The following TLK1 variants were observed in gnomAD, a reference collection of about 807,000 sequenced individuals.
The protein encoded by TLK1 is serine/threonine-protein kinase tousled-like 1.
Under a neutral mutation model 105.3 loss-of-function variants are expected in TLK1, and 24 were observed. That is an observed-to-expected ratio of 0.23 (90% CI 0.17 to 0.32). TLK1 has a LOEUF of 0.32. TLK1 is among the 10% of genes least tolerant of loss of function. The pLI is 1.00. For synonymous variants in TLK1, 321 were observed against 310.4 expected (o/e 1.03, Z -0.36); for missense variants, 558 against 910.5 (o/e 0.61, Z 4.98).
At chr2:171,156,840 C>CT (rs879561926) in intron 1 of TLK1, among the ~76,000 whole-genome samples, 54 of 152,086 alleles carry the variant, frequency 3.6e-4, no homozygotes, top group Non-Finnish European at 4.4e-4. Context: ...ATCATGCCAT[C>CT]TTTTTTTTGA....
At chr2:171,171,976 T>C (rs975152687) in intron 1 of TLK1, among the ~76,000 whole-genome samples, 2 of 152,196 alleles carry the variant, frequency 1.3e-5, no homozygotes, top group Non-Finnish European at 2.9e-5. Flanking sequence ...TACAAGAATG[T>C]TCATAAAGCA....
rs766444223 is a variant in TLK1, at chr2:170,997,738, A to T, written c.1990T>A (p.Phe664Ile). Residue 664 changes from phenylalanine to isoleucine, a missense_variant, in exon 19 of 21, where the codon TTC (phenylalanine) becomes ATC (isoleucine). By Grantham distance (21) the Phe-to-Ile change is conservative. Around this residue, in one of 5 missense-constraint regions of TLK1, gnomAD observed 218 missense variants for 492.9 expected, o/e 0.44. Coordinates refer to ENST00000431350, the MANE Select transcript of TLK1 (RefSeq NM_012290.5). ...TTTCTACCATAAAGACACTGAAAGA[A>T]GATGACTCCAACCGACCATACATCA... ...KVDVWSVGVIFFQCLYGRKPF... is the reference protein window; with the variant it reads ...KVDVWSVGVIIFQCLYGRKPF... 3 of 1,609,010 alleles carry T rather than the reference A, an allele frequency of 1.9e-6. No individual in the cohort carries two copies. Among genetic ancestry groups the T allele is most frequent in the Non-Finnish European group, 2.5e-6 (3 of 1,176,988 alleles).
intron 1 of TLK1, among the ~76,000 whole-genome samples, chr2:171,174,685 A>C (rs1056859959): frequency 3.3e-5 from 5 of 152,150 alleles, no homozygotes; most frequent in African/African-American, 1.2e-4. Context: ...TATCCTTAGC[A>C]CAGAGCCTGC....
intron 8 of TLK1, among the ~76,000 whole-genome samples, chr2:171,050,431 T>C (rs540525169): frequency 2.0e-5 from 3 of 152,166 alleles, no homozygotes; most frequent in Non-Finnish European, 4.4e-5. Flanking sequence ...TAAGGTTAAC[T>C]TTGGCTAAGT....
intron 6 of TLK1, among the ~76,000 whole-genome samples, chr2:171,055,627 GAC>G (rs1347027579): frequency 4.6e-5 from 7 of 151,962 alleles, no homozygotes; most frequent in Non-Finnish European, 7.4e-5. Flanking sequence ...AGTTCAAAAA[GAC>G]ACTCACTGAA....
chr2:170,996,777 A>C lies in TLK1; in HGVS notation c.2017-17T>G, dbSNP rs1559330634. On this transcript the variant is annotated splice_polypyrimidine_tract_variant and intron_variant, in intron 19 of 20. Coordinates refer to ENST00000431350, the MANE Select transcript of TLK1 (RefSeq NM_012290.5). ...ACCAAATGGCTTAAAAAAAAAATTAAATGTTGAGATACTTTTCTCACAAAA... is the reference window on the plus strand; with the variant it reads ...ACCAAATGGCTTAAAAAAAAAATTACATGTTGAGATACTTTTCTCACAAAA... The C allele has an allele frequency of 1.9e-6, 3 of 1,574,080 alleles. No individual in the cohort carries two copies. In the South Asian group the frequency reaches 3.5e-5, roughly 18 times the overall value.
chr2:171,229,042 C>T (rs141525657), intron 1 of TLK1, among the ~76,000 whole-genome samples: 3 of 152,306 alleles, frequency 2.0e-5, no homozygotes, highest in East Asian at 1.9e-4. Flanking sequence ...AGGGCATATG[C>T]GTGTCCTATA....
intron 3 of TLK1, among the ~76,000 whole-genome samples, chr2:171,081,207 A>G (rs1434957317): frequency 5.3e-5 from 8 of 152,230 alleles, no homozygotes; most frequent in African/African-American, 1.9e-4. Context: ...GAATTCTCTT[A>G]TAGACTAATT....
intron 1 of TLK1, among the ~76,000 whole-genome samples, chr2:171,197,912 T>C (rs1407934060): frequency 6.6e-6 from 1 of 152,210 alleles, no homozygotes; most frequent in African/African-American, 2.4e-5. Flanking sequence ...ATCTGCATTT[T>C]TGGCTAGTAC....
rs34320208 is a variant in TLK1 at position 171,200,881 on chromosome 2, C to CT, written c.-6+30263dup. 4.3e-3 allele frequency among the ~76,000 whole-genome samples: 558 copies of CT among 129,672 alleles called. 6 individuals are homozygous for CT. The highest frequency in any genetic ancestry group is 6.0e-3 in the Admixed American group (78 of 12,990). The allele number at this position is 129,672 out of a possible 152,430, so 85.1% of individuals were successfully genotyped here. On this transcript the variant is annotated intron_variant, in intron 1 of 20. Coordinates refer to the TLK1 transcript ENST00000521943. ...ATTAGGCACTTGGCTCAGATCCCTT[C>CT]TTTTTTTTTTTTTTTTTTGAGACAG...
chr2:171,135,375 T>C (rs1691273165), intron 1 of TLK1, among the ~76,000 whole-genome samples: 1 of 151,610 alleles, frequency 6.6e-6, no homozygotes. Context: ...CATAAATGTA[T>C]ACAATTATGA....
chr2:171,000,369 ACT>A (rs1211856299), intron 18 of TLK1, among the ~76,000 whole-genome samples: 2 of 125,702 alleles, frequency 1.6e-5, no homozygotes, highest in Non-Finnish European at 3.4e-5. Flanking sequence ...ACAGAGCGAA[ACT>A]CTGTCAAAAA....
intron 11 of TLK1, among the ~76,000 whole-genome samples, chr2:171,038,655 C>G (rs1686494671): frequency 6.6e-6 from 1 of 152,122 alleles, no homozygotes; most frequent in African/African-American, 2.4e-5. Context: ...TGGTTTCAAT[C>G]ATTTTCATCC....
At chr2:171,130,853 G>A (rs1691076610) in intron 1 of TLK1, among the ~76,000 whole-genome samples, 1 of 152,038 alleles carries the variant, frequency 6.6e-6, no homozygotes, top group Non-Finnish European at 1.5e-5. Flanking sequence ...ACTCTAACGT[G>A]CTATCAAGAC....
intron 3 of TLK1, among the ~76,000 whole-genome samples, chr2:171,075,348 G>A (rs1193860015): frequency 6.6e-6 from 1 of 151,894 alleles, no homozygotes; most frequent in Non-Finnish European, 1.5e-5. Context: ...ATACTTTGAT[G>A]AAAAATACAC....
chr2:171,150,832 A>G (rs1347280728), intron 1 of TLK1, among the ~76,000 whole-genome samples: 3 of 152,340 alleles, frequency 2.0e-5, no homozygotes, highest in South Asian at 2.1e-4. Flanking sequence ...TTAACTTAAC[A>G]AAGTCGTGTT....
At chr2:171,164,351 GA>G (rs1160310094), upstream of TLK1, among the ~76,000 whole-genome samples, 3 of 152,126 alleles carry the variant, frequency 2.0e-5, no homozygotes, top group Non-Finnish European at 4.4e-5. Context: ...TATAGTAAGT[GA>G]AAAAATGGAT....
intron 1 of TLK1, among the ~76,000 whole-genome samples, chr2:171,151,022 A>G (rs1329817376): frequency 1.3e-5 from 2 of 151,752 alleles, no homozygotes; most frequent in Non-Finnish European, 2.9e-5. Flanking sequence ...GTGCCTGGGT[A>G]CATTCCTTTT....
At chr2:171,204,842 C>T (rs961700669) in intron 1 of TLK1, among the ~76,000 whole-genome samples, 3 of 151,930 alleles carry the variant, frequency 2.0e-5, no homozygotes, top group African/African-American at 7.3e-5. Context: ...CCTGTAATCC[C>T]AGCTACTCGG....
Sources: allele counts gnomAD v4.1 joint callset (sites outside exome capture counted in the v4.1 genomes callset), GRCh38; gene constraint gnomAD v4.1.1; regional missense constraint gnomAD v4.1.1; transcripts MANE v1.5; gene names NCBI Gene and HGNC (gene_info 2026-07-23, HGNC 2026-07-21).